Variants in FOXP1 observed in about 807,000 individuals in gnomAD.
The protein encoded by FOXP1 is forkhead box protein P1.
FOXP1 carries 15 observed loss-of-function variants against 98.2 expected under a neutral mutation model. The observed-to-expected ratio is 0.15, with a 90% CI of 0.10 to 0.24. FOXP1 has a LOEUF of 0.24. Among genes scored for constraint, FOXP1 ranks in the 10% least tolerant of loss-of-function variants. The probability of loss-of-function intolerance (pLI) is 1.00; values close to 1 mark genes in which losing one functional copy is unlikely to be tolerated. For missense variants in FOXP1, 633 were observed against 848.5 expected (o/e 0.75, Z 3.15); for synonymous variants, 371 against 314.5 (o/e 1.18, Z -1.90).
At chr3:71,566,327 A>C (rs2046910193) in intron 2 of FOXP1, among the ~76,000 whole-genome samples, 3 of 152,334 alleles carry the variant, frequency 2.0e-5, no homozygotes, top group South Asian at 4.1e-4. Flanking sequence ...CAAGTTAATA[A>C]CTGGTTTGCA....
At chr3:70,976,834 C>A in intron 17 of FOXP1, 107 bp downstream of exon 17, 1 of 811,982 alleles carries the variant, frequency 1.2e-6, no homozygotes. Context: ...TTAAGAGTAT[C>A]AAAACAATAT....
intron 8 of FOXP1, among the ~76,000 whole-genome samples, chr3:71,053,011 G>T (rs749435021): frequency 1.3e-5 from 2 of 152,210 alleles, no homozygotes; most frequent in East Asian, 3.9e-4. Flanking sequence ...GGACAGCCTG[G>T]GAGCTTCCGC....
chr3:71,386,284 A>G (rs2080564471), intron 3 of FOXP1, among the ~76,000 whole-genome samples: 1 of 152,158 alleles, frequency 6.6e-6, no homozygotes, highest in Admixed American at 6.5e-5. Context: ...CTGCTCAAAA[A>G]TCCCTGGTTG....
intron 6 of FOXP1, among the ~76,000 whole-genome samples, chr3:71,162,081 G>C (rs2061164974): frequency 6.6e-6 from 1 of 152,176 alleles, no homozygotes; most frequent in Admixed American, 6.5e-5. Context: ...AATAATGATA[G>C]CCACAGGCCA....
intron 11 of FOXP1, among the ~76,000 whole-genome samples, chr3:71,029,011 C>T (rs766499451): frequency 2.6e-5 from 4 of 152,182 alleles, no homozygotes; most frequent in Non-Finnish European, 5.9e-5. Context: ...GATGGAACTT[C>T]ACTCACTCAC....
intron 12 of FOXP1, among the ~76,000 whole-genome samples, chr3:71,002,783 C>T (rs2042280432): frequency 6.6e-6 from 1 of 152,160 alleles, no homozygotes; most frequent in Non-Finnish European, 1.5e-5. Flanking sequence ...TTCAAGAGAT[C>T]CCAAGAGACT....
chr3:71,141,648 G>A (rs1331334698), intron 6 of FOXP1, among the ~76,000 whole-genome samples: 2 of 152,168 alleles, frequency 1.3e-5, no homozygotes, highest in Non-Finnish European at 2.9e-5. Flanking sequence ...TAGGCACTGG[G>A]CCTAGGAGGG....
chr3:70,984,755 A>C (rs1159291534), intron 14 of FOXP1, among the ~76,000 whole-genome samples: 5 of 152,130 alleles, frequency 3.3e-5, no homozygotes, highest in Admixed American at 6.5e-5. Context: ...AAGGAGTCTG[A>C]GGGATGGGAA....
chr3:71,547,486 C>T (rs1189888360), intron 2 of FOXP1, among the ~76,000 whole-genome samples: 1 of 152,172 alleles, frequency 6.6e-6, no homozygotes, highest in Non-Finnish European at 1.5e-5. Context: ...CCTTTGGGCC[C>T]CGTTTGACCT....
At chr3:71,535,316 G>A (rs1187796461) in intron 2 of FOXP1, among the ~76,000 whole-genome samples, 2 of 152,092 alleles carry the variant, frequency 1.3e-5, no homozygotes, top group Non-Finnish European at 2.9e-5. Context: ...GAACTTAATA[G>A]GTCCACTCAG....
intron 19 of FOXP1, among the ~76,000 whole-genome samples, chr3:70,967,406 G>A (rs956676367): frequency 9.2e-5 from 14 of 152,106 alleles, no homozygotes; most frequent in Non-Finnish European, 2.1e-4. Flanking sequence ...TTCAAAGCTC[G>A]GCCCTATGTA....
At chr3:71,131,365 A>C (rs916076572) in intron 6 of FOXP1, among the ~76,000 whole-genome samples, 3 of 151,642 alleles carry the variant, frequency 2.0e-5, no homozygotes, top group Non-Finnish European at 2.9e-5. Flanking sequence ...AGTCAGCTTG[A>C]AAAACAGGAG....
rs1486369873 is a variant in FOXP1, at chr3:70,978,103, G to A, written c.1147-74C>T. ...AACCCAGGAACCACATCTAGCAGGAGTAACACAGAGGATGCGTGGGCACCG... is the reference window on the plus strand; with the variant it reads ...AACCCAGGAACCACATCTAGCAGGAATAACACAGAGGATGCGTGGGCACCG... On this transcript the variant is annotated intron_variant, in intron 14 of 20. Transcript: ENST00000649528. The A allele has an allele frequency of 4.0e-6, 5 of 1,253,770 alleles. No homozygotes were observed. In the African/African-American group the frequency reaches 4.4e-5, roughly 11 times the overall value. The allele number at this position is 1,253,770 out of a possible 1,614,324, so 77.7% of individuals were successfully genotyped here.
chr3:71,319,124 C>T (rs1314772812), intron 4 of FOXP1, among the ~76,000 whole-genome samples: 1 of 152,176 alleles, frequency 6.6e-6, no homozygotes, highest in Non-Finnish European at 1.5e-5. Context: ...TTTACTGCCA[C>T]AACTTTTTTT....
At chr3:71,189,705 T>C (rs989960148) in intron 6 of FOXP1, among the ~76,000 whole-genome samples, 2 of 152,204 alleles carry the variant, frequency 1.3e-5, no homozygotes, top group Non-Finnish European at 2.9e-5. Flanking sequence ...CAAAAGGTCC[T>C]GTTTTTCCCA....
chr3:71,174,885 G>C (rs1475465626), intron 6 of FOXP1, among the ~76,000 whole-genome samples: 2 of 150,786 alleles, frequency 1.3e-5, no homozygotes, highest in African/African-American at 4.9e-5. Flanking sequence ...ACAGCAGATT[G>C]CAGGTATGAC....
chr3:71,456,270 AC>A (rs1316522049), intron 3 of FOXP1, among the ~76,000 whole-genome samples: 1 of 152,200 alleles, frequency 6.6e-6, no homozygotes, highest in Non-Finnish European at 1.5e-5. Flanking sequence ...GAGAGGGGAC[AC>A]ACAAAAGTCA....
At chr3:71,257,585 C>CA (rs11337315) in intron 5 of FOXP1, among the ~76,000 whole-genome samples, 1,868 of 71,596 alleles carry the variant, frequency 0.026, 27 homozygotes, top group Middle Eastern at 0.067. Flanking sequence ...AACTCCATCT[C>CA]AAAAAAAAAA....
Position 71,079,486 on chromosome 3 carries a change from C to A in FOXP1, c.283-25713G>T, listed in dbSNP as rs1230639668. ...TCATCTCAGCATATTAACTCTTCCC[C>A]ATCCTCCCTCGACACAGACAATTTC... is the stretch of plus-strand genomic sequence containing the variant. On this transcript the variant is annotated intron_variant, in intron 7 of 20. Coordinates refer to ENST00000649528, the MANE Select transcript of FOXP1 (RefSeq NM_001349338.3). Among the ~76,000 whole-genome samples the A allele has an allele frequency of 4.6e-5, 7 of 152,298 alleles. No individual in the cohort carries two copies. In the South Asian group the frequency reaches 1.5e-3, roughly 32 times the overall value.
Sources: gnomAD v4.1 joint callset for allele counts (sites outside exome capture counted in the v4.1 genomes callset) on GRCh38, gnomAD v4.1.1 for gene constraint, MANE v1.5 for transcripts, NCBI Gene and HGNC (gene_info 2026-07-23, HGNC 2026-07-21) for gene names.